Variants in KAT6A observed in about 807,000 individuals in gnomAD.
KAT6A encodes histone acetyltransferase KAT6A.
In KAT6A, 9 loss-of-function variants were observed where a neutral mutation model predicts 198.4. That is an observed-to-expected ratio of 0.05 (90% confidence interval 0.03 to 0.08). KAT6A has a LOEUF of 0.08. Ranked by LOEUF, KAT6A falls within the 10% of genes least tolerant of loss-of-function variation. KAT6A has a pLI of 1.00. For missense variants in KAT6A, 2,077 were observed against 2,509.9 expected (o/e 0.83, Z 3.69); for synonymous variants, 890 against 883.0 (o/e 1.01, Z -0.14).
intron 8 of KAT6A, among the ~76,000 whole-genome samples, chr8:41,972,201 G>A (rs1823828486): frequency 6.7e-6 from 1 of 148,230 alleles, no homozygotes; most frequent in Non-Finnish European, 1.5e-5. Context: ...AAACAAATAG[G>A]AAGAAGAAAA....
At chr8:42,050,733 C>T (rs142002726) in intron 1 of KAT6A, among the ~76,000 whole-genome samples, 1 of 152,106 alleles carries the variant, frequency 6.6e-6, no homozygotes, top group South Asian at 2.1e-4. Context: ...AAATGAGAAG[C>T]TACATCCTGA....
intron 15 of KAT6A, 95 bp downstream of exon 15, chr8:41,940,747 C>G: frequency 6.9e-7 from 1 of 1,452,032 alleles, no homozygotes; most frequent in Non-Finnish European, 9.2e-7. Context: ...CTAGGAATTT[C>G]TAACTTATAC....
In KAT6A at chr8:41,940,970, G is replaced by A. The variant is rs146209687; in HGVS notation, c.2911C>T (p.Arg971Cys). ...RLTEGSERLPRRYSEGDRAVL... is the reference protein window; with the variant it reads ...RLTEGSERLPCRYSEGDRAVL... Reference sequence around the variant, plus strand: ...GCCCTGTCACCCTCACTGTAGCGACGGGGCAGCCTCTCACTTCCTTCTGTT... The same window carrying A: ...GCCCTGTCACCCTCACTGTAGCGACAGGGCAGCCTCTCACTTCCTTCTGTT... The change falls in exon 15 of 17, where the codon CGT (arginine) becomes TGT (cysteine). Residue 971 changes from arginine to cysteine, a missense_variant. Arg to Cys is a radical substitution (Grantham distance 180, BLOSUM62 -3). This residue lies in a region of KAT6A where 301 missense variants were observed against 272.2 expected (regional missense o/e 1.11). Transcript: ENST00000265713. 71 of 1,614,012 alleles carry A rather than the reference G, an allele frequency of 4.4e-5. No homozygotes were observed. The highest frequency in any genetic ancestry group is 3.3e-4 in the Middle Eastern group (2 of 6,084).
At chr8:41,953,419 A>G (rs1822762670) in intron 9 of KAT6A, among the ~76,000 whole-genome samples, 1 of 152,198 alleles carries the variant, frequency 6.6e-6, no homozygotes, top group African/African-American at 2.4e-5. Flanking sequence ...TCACTTAAAA[A>G]ATGATCATAA....
intron 2 of KAT6A, among the ~76,000 whole-genome samples, chr8:41,992,358 A>G (rs747056999): frequency 7.2e-5 from 11 of 152,340 alleles, no homozygotes; most frequent in Non-Finnish European, 1.3e-4. Context: ...AAGGTAGCTA[A>G]AAAGAAATTG....
chr8:41,995,647 C>T (rs1290161557), intron 2 of KAT6A, among the ~76,000 whole-genome samples: 5 of 151,230 alleles, frequency 3.3e-5, no homozygotes, highest in African/African-American at 1.2e-4. Flanking sequence ...CTGAGATATT[C>T]CCATCTAAAA....
intron 2 of KAT6A, among the ~76,000 whole-genome samples, chr8:42,016,373 C>T (rs1226430123): frequency 1.3e-5 from 2 of 152,186 alleles, no homozygotes; most frequent in Non-Finnish European, 2.9e-5. Context: ...TAGCAAAGTT[C>T]ATTTCAATTA....
At chr8:42,047,658 G>C (rs192454870) in intron 2 of KAT6A, among the ~76,000 whole-genome samples, 4 of 152,232 alleles carry the variant, frequency 2.6e-5, no homozygotes, top group African/African-American at 7.2e-5. Context: ...ACATCCTCCT[G>C]TCCCAGCCTC....
intron 2 of KAT6A, among the ~76,000 whole-genome samples, chr8:42,045,507 A>T (rs1271740002): frequency 1.3e-5 from 2 of 150,826 alleles, no homozygotes; most frequent in Non-Finnish European, 2.9e-5. Context: ...GGCTGCAGTA[A>T]GCCAAGATCG....
At chr8:42,050,139 C>T (rs1802531434) in intron 1 of KAT6A, among the ~76,000 whole-genome samples, 1 of 152,036 alleles carries the variant, frequency 6.6e-6, no homozygotes, top group African/African-American at 2.4e-5. Context: ...ATCAAACGGA[C>T]GGTACAGAAA....
At chr8:42,014,872 G>A (rs1826196129) in intron 2 of KAT6A, among the ~76,000 whole-genome samples, 1 of 152,146 alleles carries the variant, frequency 6.6e-6, no homozygotes, top group African/African-American at 2.4e-5. Flanking sequence ...ACAGGTTCAG[G>A]ATTACTTGAA....
Position 41,932,857 on chromosome 8 carries a change from T to G in KAT6A, c.5363A>C (p.Asn1788Thr). Residue 1788 changes from asparagine to threonine, a missense_variant, in exon 17 of 17, where the codon AAT (asparagine) becomes ACT (threonine). Asn to Thr is a moderately conservative substitution (Grantham distance 65). Transcript: ENST00000265713. ...TGGAGCCAGCTGAGCCAGTCCTGTA[T>G]TGGACAGAGAAACACTGGTTGCATA... ...TSYATSVSLSNTGLAQLAPSH... is the reference protein window; with the variant it reads ...TSYATSVSLSTTGLAQLAPSH... The G allele has an allele frequency of 1.9e-6, 3 of 1,614,062 alleles. No homozygotes were observed. The highest frequency in any genetic ancestry group is 2.5e-6 in the Non-Finnish European group (3 of 1,179,996).
At position 41,932,449 on chromosome 8, in the gene KAT6A, C is replaced by T. The variant is rs1821598097; in HGVS notation, c.5771G>A (p.Ser1924Asn). ...MNMNTLNAMNSYRMTQPMMNS... is the reference protein window; with the variant it reads ...MNMNTLNAMNNYRMTQPMMNS... Reference sequence around the variant, plus strand: ...CATCATGGGCTGTGTCATTCGATAGCTGTTCATGGCATTCAAGGTGTTCAT... The same window carrying T: ...CATCATGGGCTGTGTCATTCGATAGTTGTTCATGGCATTCAAGGTGTTCAT... Residue 1924 changes from serine (S) to asparagine (N), a missense_variant, in exon 17 of 17, where the codon AGC becomes AAC. Ser to Asn is a conservative substitution (Grantham distance 46). This residue lies in a region of KAT6A where 500 missense variants were observed against 577.2 expected (regional missense o/e 0.87). Transcript: ENST00000265713. The T allele has an allele frequency of 6.2e-6, 10 of 1,614,244 alleles. No homozygotes were observed. The highest frequency in any genetic ancestry group is 7.6e-6 in the Non-Finnish European group (9 of 1,180,038).
At chr8:41,969,865 T>C (rs1233007248) in intron 8 of KAT6A, among the ~76,000 whole-genome samples, 1 of 152,226 alleles carries the variant, frequency 6.6e-6, no homozygotes, top group African/African-American at 2.4e-5. Flanking sequence ...GACGTTTACA[T>C]AGGCAATCCA....
chr8:41,948,031 A>G (rs896354286), intron 10 of KAT6A, 119 bp from the exon 11 acceptor site: 63 of 744,510 alleles, frequency 8.5e-5, no homozygotes, highest in Non-Finnish European at 8.9e-5. Flanking sequence ...GGTGTCCATG[A>G]CCAGAACACT....
At chr8:42,047,424 CTTTT>C (rs1802368488) in intron 2 of KAT6A, among the ~76,000 whole-genome samples, 3 of 152,248 alleles carry the variant, frequency 2.0e-5, no homozygotes, top group East Asian at 1.9e-4. Flanking sequence ...CTTTACCTTT[CTTTT>C]TGTTTTTAGA....
At chr8:41,946,786 G>C (rs551184468) in intron 11 of KAT6A, 102 bp from the exon 12 acceptor site, 4 of 695,990 alleles carry the variant, frequency 5.7e-6, no homozygotes, top group African/African-American at 2.0e-5. Context: ...CACAGCCCTG[G>C]TCCTTTGGGA....
chr8:42,051,238 A>C (rs1178266101), intron 1 of KAT6A, among the ~76,000 whole-genome samples: 1 of 151,782 alleles, frequency 6.6e-6, no homozygotes, highest in Non-Finnish European at 1.5e-5. Context: ...CGCGAGGTTG[A>C]CAGGCGCCCG....
At position 41,981,904 on chromosome 8, in the gene KAT6A, C is replaced by T. The variant is rs1040116415; in HGVS notation, c.760G>A (p.Ala254Thr). 2 of 1,614,020 alleles carry T rather than the reference C, an allele frequency of 1.2e-6. No individual in the cohort carries two copies. Among genetic ancestry groups the T allele is most frequent in the Non-Finnish European group, 1.7e-6 (2 of 1,179,946 alleles). The part of the protein sequence containing the change: ...FSPELTVRVK[A>T]LRWQCIECKT... Reference sequence around the variant, plus strand: ...CACTCGATGCACTGCCACCGTAAGGCCTTCACTCGAACCGTTAGTTCAGGG... The same window carrying T: ...CACTCGATGCACTGCCACCGTAAGGTCTTCACTCGAACCGTTAGTTCAGGG... The change falls in exon 4 of 17, where the codon GCC (alanine) becomes ACC (threonine). Residue 254 changes from alanine to threonine, a missense_variant. This residue lies in a region of KAT6A where 89 missense variants were observed against 154.4 expected (regional missense o/e 0.58). Coordinates refer to ENST00000265713, the MANE Select transcript of KAT6A (RefSeq NM_006766.5).
Sources: gnomAD v4.1 joint callset for allele counts (sites outside exome capture counted in the v4.1 genomes callset) on GRCh38, gnomAD v4.1.1 for gene constraint, gnomAD v4.1.1 regional missense constraint, MANE v1.5 for transcripts, NCBI Gene and HGNC (gene_info 2026-07-23, HGNC 2026-07-21) for gene names.